TESMIN: variants seen among roughly 807,000 people sequenced by gnomAD.
The protein encoded by TESMIN is CXC domain containing 2.
In TESMIN, 34 loss-of-function variants were observed where a neutral mutation model predicts 47.4. That is an observed-to-expected ratio of 0.72 (90% CI 0.55 to 0.96). The LOEUF (loss-of-function observed/expected upper bound fraction) is 0.96, where lower values mean the gene tolerates loss of function less well. Among genes scored for constraint, TESMIN ranks in the 40% least tolerant of loss-of-function variants. The probability of loss-of-function intolerance (pLI) is 0.00; values close to 1 mark genes in which losing one functional copy is unlikely to be tolerated. For synonymous variants in TESMIN, 278 were observed against 258.9 expected, an observed-to-expected ratio of 1.07 and a Z score of -0.71; for missense variants, 610 against 637.2, an observed-to-expected ratio of 0.96 and a Z score of 0.46.
chr11:68,747,807 G>A (rs1401088377), intron 2 of TESMIN, among the ~76,000 whole-genome samples: 1 of 152,178 alleles, frequency 6.6e-6, no homozygotes, highest in Non-Finnish European at 1.5e-5. Context: ...GGGAGTGGCT[G>A]CCAGCTTTGT....
chr11:68,718,142 C>CG (rs1201474100), intron 6 of TESMIN, among the ~76,000 whole-genome samples: 1 of 89,572 alleles, frequency 1.1e-5, no homozygotes, highest in Non-Finnish European at 2.5e-5. Flanking sequence ...CAGCTACAGC[C>CG]CCCCGGTCAG....
In TESMIN at chr11:68,738,621, T is replaced by C. The variant is rs1198509616; in HGVS notation, c.917+79A>G. 1.8e-5 allele frequency: 29 copies of C among 1,589,398 alleles called. 1 individual carries two copies. In the East Asian group the frequency reaches 5.4e-4, roughly 30 times the overall value. ...GTGCAGTGAAGCTCATTTTATAGTA[T>C]AGAAGAAAATCGTGAACGTATCCAA... On this transcript the variant is annotated intron_variant, in intron 6 of 9. Coordinates refer to ENST00000255087, the MANE Select transcript of TESMIN (RefSeq NM_004923.3).
At chr11:68,739,760 T>C (rs541668612) in intron 5 of TESMIN, among the ~76,000 whole-genome samples, 1 of 152,238 alleles carries the variant, frequency 6.6e-6, no homozygotes, top group South Asian at 2.1e-4. Flanking sequence ...GCTCTCCTCT[T>C]GCTCGTGCAC....
intron 7 of TESMIN, 74 bp downstream of exon 7, chr11:68,715,763 G>A: frequency 9.3e-7 from 1 of 1,080,650 alleles, no homozygotes. Context: ...AGGAATCTCT[G>A]AAGGTGATTT....
chr11:68,718,756 G>C (rs762776235), intron 6 of TESMIN, among the ~76,000 whole-genome samples: 1 of 152,148 alleles, frequency 6.6e-6, no homozygotes, highest in African/African-American at 2.4e-5. Context: ...TCATACAGAG[G>C]ATCAAGAAAA....
chr11:68,733,102 C>T (rs959115676), intron 6 of TESMIN, among the ~76,000 whole-genome samples: 4 of 152,136 alleles, frequency 2.6e-5, no homozygotes, highest in African/African-American at 7.2e-5. Context: ...GCAGGGTGGC[C>T]GAGGAAACTG....
downstream of TESMIN, among the ~76,000 whole-genome samples, chr11:68,705,537 G>A (rs1945989523): frequency 6.6e-6 from 1 of 152,184 alleles, no homozygotes; most frequent in Non-Finnish European, 1.5e-5. Flanking sequence ...TGTGCAGTGC[G>A]CAGCCTGTGT....
At chr11:68,736,027 A>G in intron 6 of TESMIN, 1 of 944,662 alleles carries the variant, frequency 1.1e-6, no homozygotes, top group Non-Finnish European at 1.3e-6. Flanking sequence ...TAAAAATTAA[A>G]GAGTTAGAAG....
downstream of TESMIN, among the ~76,000 whole-genome samples, chr11:68,706,340 C>T (rs1193135346): frequency 6.6e-6 from 1 of 152,248 alleles, no homozygotes; most frequent in African/African-American, 2.4e-5. Flanking sequence ...CCCTCACCTC[C>T]AGGCGTTAGC....
chr11:68,716,847 C>A (rs1946145712), intron 6 of TESMIN, among the ~76,000 whole-genome samples: 1 of 152,252 alleles, frequency 6.6e-6, no homozygotes, highest in Non-Finnish European at 1.5e-5. Context: ...GAGAGCCACC[C>A]CATGGCTTCC....
chr11:68,715,214 C>G (rs1446404215), intron 7 of TESMIN, among the ~76,000 whole-genome samples: 1 of 152,190 alleles, frequency 6.6e-6, no homozygotes, highest in Non-Finnish European at 1.5e-5. Flanking sequence ...AGGTTGACAG[C>G]CTTGAGCCTA....
chr11:68,715,908 A>T lies in TESMIN; in HGVS notation c.949T>A (p.Cys317Ser), dbSNP rs148395296. ...YCDCFASGDF[C>S]NNCNCNNCCN... Reference sequence around the variant, plus strand: ...CAATTATTACAATTGCAGTTGTTGCAAAAGTCCCCACTGGCAAAGCAGTCA... The same window carrying T: ...CAATTATTACAATTGCAGTTGTTGCTAAAGTCCCCACTGGCAAAGCAGTCA... Residue 317 changes from cysteine (C) to serine (S), a missense_variant, in exon 7 of 10, where the codon TGC becomes AGC. Cys to Ser is a moderately radical substitution (Grantham distance 112, BLOSUM62 -1). Coordinates refer to ENST00000255087, the MANE Select transcript of TESMIN (RefSeq NM_004923.3). 2 of 1,613,540 alleles carry T rather than the reference A, an allele frequency of 1.2e-6. No individual in the cohort carries two copies. Among genetic ancestry groups the T allele is most frequent in the East Asian group, 2.2e-5 (1 of 44,880 alleles).
rs201992430 is a variant in TESMIN at position 68,710,300 on chromosome 11, GT to G, written c.1334+573del. On this transcript the variant is annotated intron_variant, in intron 9 of 9. Transcript: ENST00000255087. ...ATATGACCATTACATTGAACTCGAA[GT>G]TTTTTTTAAACAAATGAATGGAATC... Among the ~76,000 whole-genome samples, 110 of 152,182 alleles carry G rather than the reference GT, an allele frequency of 7.2e-4. No homozygotes were observed. The East Asian group carries it at 0.019, about 26-fold the overall frequency.
At chr11:68,750,921 T>G (rs1566330466) in intron 1 of TESMIN, among the ~76,000 whole-genome samples, 3 of 24,220 alleles carry the variant, frequency 1.2e-4, no homozygotes, top group African/African-American at 1.8e-4. Context: ...GGCGACCAGA[T>G]GAGGGGCGAT....
intron 6 of TESMIN, among the ~76,000 whole-genome samples, chr11:68,719,265 G>A (rs548926244): frequency 7.9e-5 from 12 of 152,328 alleles, no homozygotes; most frequent in African/African-American, 2.6e-4. Flanking sequence ...TTAGTGTTGT[G>A]TGCATAGAAG....
At chr11:68,719,808 G>C (rs779142174) in intron 6 of TESMIN, among the ~76,000 whole-genome samples, 1 of 152,210 alleles carries the variant, frequency 6.6e-6, no homozygotes, top group Non-Finnish European at 1.5e-5. Context: ...TACAAGAGAG[G>C]TTAAGAGAAA....
At chr11:68,740,616 T>C (rs557205804) in intron 5 of TESMIN, among the ~76,000 whole-genome samples, 2 of 152,202 alleles carry the variant, frequency 1.3e-5, no homozygotes, top group Non-Finnish European at 2.9e-5. Context: ...AGACTGCATC[T>C]GCGTGCTCGC....
At chr11:68,726,703 G>A (rs1030769531) in intron 6 of TESMIN, among the ~76,000 whole-genome samples, 59 of 152,202 alleles carry the variant, frequency 3.9e-4, no homozygotes, top group African/African-American at 1.4e-3. Context: ...GAATTCTGGT[G>A]GCAATAATTA....
At chr11:68,738,827 A>G in intron 5 of TESMIN, 39 bp from the exon 6 acceptor site, 1 of 1,564,176 alleles carries the variant, frequency 6.4e-7, no homozygotes, top group Non-Finnish European at 8.8e-7. Context: ...TGAATTAGCA[A>G]GGATTTTTAA....
Sources: gnomAD v4.1 joint callset for allele counts (sites outside exome capture counted in the v4.1 genomes callset) on GRCh38, gnomAD v4.1.1 for gene constraint, MANE v1.5 for transcripts, NCBI Gene and HGNC (gene_info 2026-07-23, HGNC 2026-07-21) for gene names.